Variants in MACC1 observed in about 807,000 individuals in gnomAD.
MACC1 encodes the protein MET transcriptional regulator MACC1, also known as metastasis-associated in colon cancer protein 1.
A neutral mutation model predicts 70.7 loss-of-function variants in MACC1; 79 were observed. The ratio of observed to expected loss-of-function variants is 1.12; its 90% confidence interval spans 0.93 to 1.35. MACC1 has a LOEUF of 1.35. Ranked by LOEUF, MACC1 falls within the 40% of genes most tolerant of loss-of-function variation. The pLI is 0.00. For synonymous variants in MACC1, 361 were observed against 347.2 expected (o/e 1.04, Z -0.44); for missense variants, 1,106 against 978.1 (o/e 1.13, Z -1.74).
At chr7:20,157,025 T>A (rs1056744917) in intron 5 of MACC1, among the ~76,000 whole-genome samples, 11 of 152,232 alleles carry the variant, frequency 7.2e-5, no homozygotes, top group African/African-American at 2.4e-4. Context: ...ATAGTGGCTT[T>A]ACGCATGATT....
intron 1 of MACC1, among the ~76,000 whole-genome samples, chr7:20,210,938 T>C (rs1037098256): frequency 5.3e-5 from 8 of 152,206 alleles, no homozygotes; most frequent in Non-Finnish European, 1.2e-4. Context: ...TAGTCACCTG[T>C]AAGAATCATT....
intron 1 of MACC1, among the ~76,000 whole-genome samples, chr7:20,215,776 A>G (rs1414764157): frequency 6.6e-6 from 1 of 152,220 alleles, no homozygotes; most frequent in Non-Finnish European, 1.5e-5. Flanking sequence ...TTGTCCTCCA[A>G]ATCAGCCAAT....
At chr7:20,153,701 G>A (rs1782013546) in intron 6 of MACC1, among the ~76,000 whole-genome samples, 1 of 152,134 alleles carries the variant, frequency 6.6e-6, no homozygotes, top group Non-Finnish European at 1.5e-5. Context: ...AGATAATGAA[G>A]CTCTTAGTTA....
chr7:20,147,465 T>C (rs1345982216), intron 6 of MACC1: 5 of 152,238 alleles, frequency 3.3e-5, no homozygotes, highest in African/African-American at 1.2e-4. Flanking sequence ...GCTGAAGAAG[T>C]ATTAAGGCAA....
intron 1 of MACC1, among the ~76,000 whole-genome samples, chr7:20,179,544 A>G (rs1000519294): frequency 1.3e-5 from 2 of 152,188 alleles, no homozygotes; most frequent in Non-Finnish European, 1.5e-5. Flanking sequence ...GGTATTCGAT[A>G]TATTGCAGAT....
Position 20,159,470 on chromosome 7 carries a change from T to C in MACC1, c.891A>G (p.Arg297=), listed in dbSNP as rs141309489. ...LLEMKIGAEV[R]KDPFSQVMTE... The stretch of plus-strand genomic sequence containing the variant: ...TCATGACTTGGCTGAAAGGATCCTT[T>C]CTTACTTCAGCCCCAATTTTCATCT... The change falls in exon 5 of 7, where the codon AGA becomes AGG. Residue 297 remains arginine, a synonymous_variant. Transcript: ENST00000400331. 76 of 1,614,074 alleles carry C rather than the reference T, an allele frequency of 4.7e-5. 1 individual carries two copies. The African/African-American group carries it at 7.3e-4, about 16-fold the overall frequency.
intron 1 of MACC1, among the ~76,000 whole-genome samples, chr7:20,195,283 A>C (rs1455593661): frequency 1.3e-5 from 2 of 152,164 alleles, no homozygotes; most frequent in Non-Finnish European, 2.9e-5. Context: ...TAACTTTAAA[A>C]ACTACAGGAT....
At chr7:20,202,212 A>G (rs1202755986) in intron 1 of MACC1, among the ~76,000 whole-genome samples, 2 of 152,232 alleles carry the variant, frequency 1.3e-5, no homozygotes, top group African/African-American at 2.4e-5. Flanking sequence ...CATTAATGCT[A>G]TCTAAAACTT....
intron 1 of MACC1, among the ~76,000 whole-genome samples, chr7:20,195,633 C>G (rs1237566384): frequency 1.3e-5 from 2 of 152,302 alleles, no homozygotes; most frequent in East Asian, 3.8e-4. Context: ...CACAAAGGCA[C>G]ACAAGTGTGC....
intron 2 of MACC1, among the ~76,000 whole-genome samples, chr7:20,169,354 T>C (rs1412080893): frequency 2.6e-5 from 4 of 152,232 alleles, no homozygotes; most frequent in Non-Finnish European, 5.9e-5. Context: ...GTCATTTTTC[T>C]TTCCTGTACC....
chr7:20,196,390 C>T (rs1782754033), intron 1 of MACC1, among the ~76,000 whole-genome samples: 1 of 152,084 alleles, frequency 6.6e-6, no homozygotes, highest in African/African-American at 2.4e-5. Flanking sequence ...CCGTGTTAGC[C>T]AGGATGGTCT....
intron 1 of MACC1, among the ~76,000 whole-genome samples, chr7:20,210,200 T>C (rs528030170): frequency 1.1e-3 from 169 of 152,290 alleles, no homozygotes; most frequent in African/African-American, 3.7e-3. Flanking sequence ...GCAACACTTT[T>C]GAAATCAGCA....
chr7:20,193,044 G>C (rs1348289558), intron 1 of MACC1, among the ~76,000 whole-genome samples: 1 of 152,182 alleles, frequency 6.6e-6, no homozygotes, highest in East Asian at 1.9e-4. Context: ...TTGCCAAGTG[G>C]TATAAACTTT....
At chr7:20,154,412 A>G in intron 5 of MACC1, 31 bp from the exon 6 acceptor site, 1 of 1,596,860 alleles carries the variant, frequency 6.3e-7, no homozygotes, top group South Asian at 1.1e-5. Flanking sequence ...CACAATTAAA[A>G]GCAACTAACT....
intron 1 of MACC1, among the ~76,000 whole-genome samples, chr7:20,211,950 A>G (rs1783003067): frequency 6.6e-6 from 1 of 152,224 alleles, no homozygotes; most frequent in South Asian, 2.1e-4. Flanking sequence ...AATAATGTAT[A>G]CTTTATTGTT....
At position 20,141,079 on chromosome 7, in the gene MACC1, T is replaced by C; in HGVS notation, c.2426A>G (p.Asp809Gly). ...YGNNYRDVLQDLQSALDRMKN... is the reference protein window; with the variant it reads ...YGNNYRDVLQGLQSALDRMKN... ...CATTCTGTCCAAAGCTGACTGAAGG[T>C]CTTGTAACACATCTCTGTAGTTATT... The change falls in exon 7 of 7, where the codon GAC becomes GGC. Residue 809 changes from aspartate to glycine, a missense_variant. By Grantham distance (94) the Asp-to-Gly change is moderately conservative. Coordinates refer to ENST00000400331, the MANE Select transcript of MACC1 (RefSeq NM_182762.4). 6.2e-7 allele frequency: 1 copy of C among 1,613,780 alleles called. No homozygotes were observed. Among genetic ancestry groups the C allele is most frequent in the Non-Finnish European group, 8.5e-7 (1 of 1,179,790 alleles).
chr7:20,175,832 G>C (rs755253346), intron 1 of MACC1, among the ~76,000 whole-genome samples: 2 of 152,070 alleles, frequency 1.3e-5, no homozygotes, highest in Non-Finnish European at 2.9e-5. Context: ...GGTGAAGCTG[G>C]AGCAGCCTTA....
Position 20,201,806 on chromosome 7 carries a change from G to GA in MACC1, c.-218+15492dup, listed in dbSNP as rs1782837920. On this transcript the variant is annotated intron_variant, in intron 1 of 6. Transcript: ENST00000400331. ...TACCCTTTTGAGGTTTTGCACTTAA[G>GA]ACCACCTTAGATTCCATTTTTGAGA... is the stretch of plus-strand genomic sequence containing the variant. 2.0e-5 allele frequency among the ~76,000 whole-genome samples: 3 copies of GA among 152,130 alleles called. No homozygotes were observed. In the South Asian group the frequency reaches 6.2e-4, roughly 31 times the overall value.
intron 1 of MACC1, among the ~76,000 whole-genome samples, chr7:20,202,743 C>G (rs1010352967): frequency 6.6e-6 from 1 of 152,146 alleles, no homozygotes; most frequent in Non-Finnish European, 1.5e-5. Context: ...CACTTGAAAT[C>G]GAGCTAGTTT....
Sources: gnomAD v4.1 joint callset for allele counts (sites outside exome capture counted in the v4.1 genomes callset) on GRCh38, gnomAD v4.1.1 for gene constraint, MANE v1.5 for transcripts, NCBI Gene and HGNC (gene_info 2026-07-23, HGNC 2026-07-21) for gene names.